The following KAT6A variants were observed in gnomAD, a reference collection of about 807,000 sequenced individuals.
KAT6A encodes the protein lysine acetyltransferase 6A.
A neutral mutation model predicts 198.4 loss-of-function variants in KAT6A; 9 were observed. That is an observed-to-expected ratio of 0.05 (90% CI 0.03 to 0.08). KAT6A has a LOEUF of 0.08. Ranked by LOEUF, KAT6A falls within the 10% of genes least tolerant of loss-of-function variation. KAT6A has a pLI of 1.00. For synonymous variants in KAT6A, 890 were observed against 883.0 expected (o/e 1.01, Z -0.14); for missense variants, 2,077 against 2,509.9 (o/e 0.83, Z 3.69).
chr8:41,983,280 CTCTTTTA>C (rs552965694), intron 3 of KAT6A, among the ~76,000 whole-genome samples: 8 of 152,110 alleles, frequency 5.3e-5, no homozygotes, highest in Non-Finnish European at 1.2e-4. Context: ...AAAGGATTTT[CTCTTTTA>C]TGAGATAGCA....
intron 2 of KAT6A, among the ~76,000 whole-genome samples, chr8:42,031,046 G>T (rs1426517706): frequency 7.6e-6 from 1 of 131,622 alleles, no homozygotes; most frequent in Non-Finnish European, 1.6e-5. Context: ...AAAGGGGGGG[G>T]GGACAGGAGA....
At chr8:42,038,772 C>G (rs1258496310) in intron 2 of KAT6A, among the ~76,000 whole-genome samples, 1 of 152,014 alleles carries the variant, frequency 6.6e-6, no homozygotes, top group Non-Finnish European at 1.5e-5. Flanking sequence ...AAGCATAATA[C>G]AATTCAACCA....
intron 1 of KAT6A, among the ~76,000 whole-genome samples, chr8:42,051,440 G>A (rs1802635669): frequency 6.7e-6 from 1 of 149,668 alleles, no homozygotes; most frequent in Non-Finnish European, 1.5e-5. Context: ...GCCCGCGAGC[G>A]CGGGGAGAAG....
chr8:41,947,323 T>C (rs1822448495), intron 11 of KAT6A, among the ~76,000 whole-genome samples: 2 of 152,180 alleles, frequency 1.3e-5, no homozygotes, highest in South Asian at 2.1e-4. Flanking sequence ...AGAAATAAAC[T>C]TTCTCCCTCT....
intron 2 of KAT6A, among the ~76,000 whole-genome samples, chr8:41,999,593 G>A (rs935875967): frequency 6.6e-6 from 1 of 152,034 alleles, no homozygotes; most frequent in African/African-American, 2.4e-5. Flanking sequence ...TATCTCAACT[G>A]TCAACTCCCA....
intron 16 of KAT6A, among the ~76,000 whole-genome samples, chr8:41,935,730 G>C (rs889684768): frequency 6.6e-6 from 1 of 152,182 alleles, no homozygotes; most frequent in Non-Finnish European, 1.5e-5. Context: ...GGCACAGTTA[G>C]TAGTAGTAAC....
At position 41,934,532 on chromosome 8, in the gene KAT6A, G is replaced by C. The variant is rs1371894196; in HGVS notation, c.3688C>G (p.Gln1230Glu). ...PEERKEEEEM[Q>E]AEAEEAEEGE... The stretch of plus-strand genomic sequence containing the variant: ...TCTTCAGCCTCTTCTGCCTCTGCTT[G>C]CATCTCCTCCTCCTCCTTCCTCTCC... The change falls in exon 17 of 17, where the codon CAA (glutamine) becomes GAA (glutamate). Residue 1230 changes from glutamine (Q) to glutamate (E), a missense_variant. By Grantham distance (29) the Gln-to-Glu change is conservative. Transcript: ENST00000265713. 1.2e-6 allele frequency: 2 copies of C among 1,613,662 alleles called. No individual in the cohort carries two copies. Among genetic ancestry groups the C allele is most frequent in the South Asian group, 2.2e-5 (2 of 91,052 alleles).
chr8:41,958,990 T>C (rs1823057888), intron 8 of KAT6A, among the ~76,000 whole-genome samples: 1 of 151,842 alleles, frequency 6.6e-6, no homozygotes, highest in South Asian at 2.1e-4. Flanking sequence ...AAACCCCATC[T>C]CTACTAAAAA....
Position 41,932,553 on chromosome 8 carries a change from G to A in KAT6A, c.5667C>T (p.Arg1889=), listed in dbSNP as rs759371143. 20 of 1,614,128 alleles carry A rather than the reference G, an allele frequency of 1.2e-5. No homozygotes were observed. Among genetic ancestry groups the A allele is most frequent in the Middle Eastern group, 3.3e-4 (2 of 6,082 alleles). ...PSAVAMQAGP[R]ALAVQRGMNM... ...TCATGCCACGCTGAACAGCCAGTGC[G>A]CGAGGGCCAGCCTGCATGGCAACTG... The change falls in exon 17 of 17, where the codon CGC becomes CGT. Residue 1889 remains arginine, a synonymous_variant. Coordinates refer to ENST00000265713, the MANE Select transcript of KAT6A (RefSeq NM_006766.5).
At chr8:41,973,195 G>A (rs1464991733) in intron 8 of KAT6A, among the ~76,000 whole-genome samples, 1 of 152,012 alleles carries the variant, frequency 6.6e-6, no homozygotes, top group East Asian at 1.9e-4. Flanking sequence ...AATATGAAGA[G>A]TTTTCCCTAG....
intron 2 of KAT6A, among the ~76,000 whole-genome samples, chr8:42,037,347 C>T (rs1827431318): frequency 6.6e-6 from 1 of 152,050 alleles, no homozygotes; most frequent in Non-Finnish European, 1.5e-5. Flanking sequence ...TAAAGATGCC[C>T]TGAATAGAAA....
rs766606099 is a variant in KAT6A, at chr8:41,933,405, G to A, written c.4815C>T (p.Val1605=). 5 of 1,609,840 alleles carry A rather than the reference G, an allele frequency of 3.1e-6. No homozygotes were observed. Among genetic ancestry groups the A allele is most frequent in the Non-Finnish European group, 4.2e-6 (5 of 1,179,080 alleles). ...TGCCCATGCTGGCCATCTGCTGAGT[G>A]ACCACACAGCTGCTCTGGGTGAGGC... ...SSSLTQSSCV[V]TQQMASMGSS... Residue 1605 remains valine, a synonymous_variant, in exon 17 of 17, where the codon GTC becomes GTT. Coordinates refer to ENST00000265713, the MANE Select transcript of KAT6A (RefSeq NM_006766.5). The surrounding 1 kb of genome is among the most constrained non-coding windows in gnomAD (Gnocchi z 6.2).
In KAT6A at chr8:41,937,323, C is replaced by T. The variant is rs746684762; in HGVS notation, c.3285G>A (p.Arg1095=). The change falls in exon 16 of 17, where the codon AGG becomes AGA. Residue 1095 remains arginine, a synonymous_variant. Transcript: ENST00000265713. ...FRRLSSQDVL[R]CQSSSKRKSK... ...ACTTCCTCTTAGAAGAGGACTGACACCTGAGTACATCCTGCGAAGACAAAC... is the reference window on the plus strand; with the variant it reads ...ACTTCCTCTTAGAAGAGGACTGACATCTGAGTACATCCTGCGAAGACAAAC... The T allele has an allele frequency of 1.9e-6, 3 of 1,614,002 alleles. No homozygotes were observed. The highest frequency in any genetic ancestry group is 2.2e-5 in the South Asian group (2 of 91,080).
At chr8:41,962,810 A>C (rs1823275614) in intron 8 of KAT6A, among the ~76,000 whole-genome samples, 1 of 152,162 alleles carries the variant, frequency 6.6e-6, no homozygotes, top group African/African-American at 2.4e-5. Context: ...ATTTGGCTCT[A>C]GTCACACTGG....
chr8:42,032,691 G>A (rs539672377), intron 2 of KAT6A, among the ~76,000 whole-genome samples: 1 of 151,984 alleles, frequency 6.6e-6, no homozygotes, highest in Non-Finnish European at 1.5e-5. Flanking sequence ...CGAATGCCAC[G>A]TTACTCTTAC....
chr8:42,017,261 T>C (rs978144970), intron 2 of KAT6A, among the ~76,000 whole-genome samples: 2 of 152,208 alleles, frequency 1.3e-5, no homozygotes, highest in Admixed American at 1.3e-4. Flanking sequence ...TATTCATTCA[T>C]TTGTTCAATT....
intron 14 of KAT6A, among the ~76,000 whole-genome samples, chr8:41,941,710 T>A (rs1040140685): frequency 6.6e-6 from 1 of 152,002 alleles, no homozygotes; most frequent in Non-Finnish European, 1.5e-5. Flanking sequence ...TAGAAAAAAA[T>A]TTAAGTAATC....
chr8:41,936,018 T>C lies in KAT6A; in HGVS notation c.3353-1151A>G, dbSNP rs139673201. The stretch of plus-strand genomic sequence containing the variant: ...GGCTCACACCTGTAATCCCAGCACT[T>C]TGGGAGTCCAAGGCGGGTGGATCAC... On this transcript the variant is annotated intron_variant, in intron 16 of 16. Coordinates refer to ENST00000265713, the MANE Select transcript of KAT6A (RefSeq NM_006766.5). Among the ~76,000 whole-genome samples, 794 of 152,312 alleles carry C rather than the reference T, an allele frequency of 5.2e-3. 8 individuals carry two copies. The highest frequency in any genetic ancestry group is 0.018 in the African/African-American group (743 of 41,580).
intron 1 of KAT6A, among the ~76,000 whole-genome samples, chr8:42,051,648 G>T (rs111479668): frequency 4.8e-5 from 7 of 145,440 alleles, no homozygotes; most frequent in African/African-American, 1.7e-4. Flanking sequence ...GCCGGGCGGC[G>T]GCGCGCGGGC....
Sources: allele counts gnomAD v4.1 joint callset (sites outside exome capture counted in the v4.1 genomes callset), GRCh38; gene constraint gnomAD v4.1.1; non-coding constraint Gnocchi (gnomAD v3.1); transcripts MANE v1.5; gene names NCBI Gene and HGNC (gene_info 2026-07-23, HGNC 2026-07-21).